The following TXK variants were observed in gnomAD, a reference collection of about 807,000 sequenced individuals.
TXK encodes the protein TXK tyrosine kinase.
Under a neutral mutation model 81.0 loss-of-function variants are expected in TXK, and 60 were observed. The observed-to-expected ratio is 0.74, with a 90% CI of 0.60 to 0.92. The LOEUF is 0.92. TXK is among the 40% of genes least tolerant of loss of function. The pLI is 0.00. For synonymous variants in TXK, 203 were observed against 210.7 expected (o/e 0.96, Z 0.32); for missense variants, 581 against 638.3 (o/e 0.91, Z 0.97).
chr4:48,111,237 T>C (rs1718624809), intron 4 of TXK, among the ~76,000 whole-genome samples: 1 of 152,228 alleles, frequency 6.6e-6, no homozygotes, highest in Non-Finnish European at 1.5e-5. Flanking sequence ...CTCCAAGACA[T>C]ATTATTGAGA....
Position 48,114,416 on chromosome 4 carries a change from C to T in TXK, c.17-14G>A. On this transcript the variant is annotated splice_polypyrimidine_tract_variant and intron_variant, in intron 1 of 14. Coordinates refer to ENST00000264316, the MANE Select transcript of TXK (RefSeq NM_003328.3). ...GGATGGTGTTATCTGAAAAGCAGAT[C>T]ATTTCTCAGCTGTTAGAAAGCCATG... 2 of 1,613,998 alleles carry T rather than the reference C, an allele frequency of 1.2e-6. No homozygotes were observed. The highest frequency in any genetic ancestry group is 2.7e-5 in the African/African-American group (2 of 75,048).
chr4:48,074,099 C>T, intron 12 of TXK, 46 bp from the exon 13 acceptor site: 1 of 1,397,838 alleles, frequency 7.2e-7, no homozygotes, highest in South Asian at 1.2e-5. Context: ...TACCTCCAAG[C>T]TCTATTTACT....
chr4:48,121,803 T>C lies in TXK; in HGVS notation c.17-7401A>G, dbSNP rs946445579. On this transcript the variant is annotated intron_variant, in intron 1 of 14. Coordinates refer to ENST00000264316, the MANE Select transcript of TXK (RefSeq NM_003328.3). ...TGGAACCTGTGGATACAGAAGGCTG[T>C]TTATTCAAGAGTTTCCATTTGGGAT... 2.6e-5 allele frequency among the ~76,000 whole-genome samples: 4 copies of C among 152,164 alleles called. No homozygotes were observed. In the East Asian group the frequency reaches 7.7e-4, roughly 29 times the overall value.
At chr4:48,076,381 A>G (rs1717068436) in intron 12 of TXK, 21 bp downstream of exon 12, 2 of 1,522,894 alleles carry the variant, frequency 1.3e-6, no homozygotes, top group East Asian at 4.6e-5. Context: ...CAAAATACAT[A>G]TATATATACA....
At chr4:48,121,819 C>A (rs1718970644) in intron 1 of TXK, among the ~76,000 whole-genome samples, 2 of 151,922 alleles carry the variant, frequency 1.3e-5, no homozygotes, top group Admixed American at 1.3e-4. Flanking sequence ...CAAGAGTTTC[C>A]ATTTGGGATG....
At chr4:48,105,398 T>G (rs1718419501) in intron 5 of TXK, among the ~76,000 whole-genome samples, 1 of 152,214 alleles carries the variant, frequency 6.6e-6, no homozygotes, top group African/African-American at 2.4e-5. Flanking sequence ...CTTACTTTTC[T>G]GACACTCCTA....
chr4:48,077,637 C>G (rs572707598), intron 11 of TXK, among the ~76,000 whole-genome samples: 4 of 152,012 alleles, frequency 2.6e-5, no homozygotes, highest in Non-Finnish European at 2.9e-5. Context: ...GGAAAGTGAG[C>G]TAGGTGGAGT....
At chr4:48,113,110 G>T (rs1206008323) in intron 3 of TXK, 97 bp downstream of exon 3, 2 of 745,980 alleles carry the variant, frequency 2.7e-6, no homozygotes, top group Admixed American at 2.3e-5. Flanking sequence ...TGCCAAGCAG[G>T]ATACTAGATT....
chr4:48,085,950 G>C (rs140389320), intron 10 of TXK, among the ~76,000 whole-genome samples: 1 of 152,286 alleles, frequency 6.6e-6, no homozygotes, highest in East Asian at 1.9e-4. Context: ...AAGAGGGCAG[G>C]ATGCAAAAGG....
chr4:48,090,280 T>A lies in TXK; in HGVS notation c.710-456A>T, dbSNP rs142676969. ...TTTCGCTATTATAAAATATGCCATATGTCCTTGAACATACATTTGTCTGTA... is the reference window on the plus strand; with the variant it reads ...TTTCGCTATTATAAAATATGCCATAAGTCCTTGAACATACATTTGTCTGTA... On this transcript the variant is annotated intron_variant, in intron 8 of 14. Transcript: ENST00000264316. Among the ~76,000 whole-genome samples, 205 of 152,366 alleles carry A rather than the reference T, an allele frequency of 1.3e-3. 1 individual carries two copies. The highest frequency in any genetic ancestry group is 4.6e-3 in the African/African-American group (193 of 41,588).
At chr4:48,089,079 T>A (rs1717647749) in intron 9 of TXK, among the ~76,000 whole-genome samples, 1 of 151,972 alleles carries the variant, frequency 6.6e-6, no homozygotes, top group Non-Finnish European at 1.5e-5. Flanking sequence ...TTTCAGCAGC[T>A]CTTTTTAGTA....
chr4:48,084,615 T>C (rs1717438982), intron 10 of TXK, among the ~76,000 whole-genome samples: 1 of 152,210 alleles, frequency 6.6e-6, no homozygotes, highest in Admixed American at 6.5e-5. Context: ...TGCAGATATC[T>C]ACAGGAAGCA....
intron 11 of TXK, among the ~76,000 whole-genome samples, 187 bp downstream of exon 11, chr4:48,079,725 G>A (rs1478297622): frequency 1.3e-5 from 2 of 152,112 alleles, no homozygotes; most frequent in Non-Finnish European, 2.9e-5. Flanking sequence ...AACCCATTCG[G>A]CCTTTACAGC....
In TXK at chr4:48,095,174, A is replaced by G. The variant is rs1440930440; in HGVS notation, c.550T>C (p.Tyr184His). 2.5e-6 allele frequency: 4 copies of G among 1,613,640 alleles called. No homozygotes were observed. The highest frequency in any genetic ancestry group is 3.4e-6 in the Non-Finnish European group (4 of 1,179,672). Residue 184 changes from tyrosine to histidine, a missense_variant, in exon 7 of 15, where the codon TAC becomes CAC. Transcript: ENST00000264316. ...IVRDSRHLGSYTISVFMGARR... is the reference protein window; with the variant it reads ...IVRDSRHLGSHTISVFMGARR... Reference sequence around the variant, plus strand: ...GCTCCCATAAATACGGAAATTGTGTAGGATCCTAAATGTCTTGAATCTCTG... The same window carrying G: ...GCTCCCATAAATACGGAAATTGTGTGGGATCCTAAATGTCTTGAATCTCTG...
intron 13 of TXK, among the ~76,000 whole-genome samples, chr4:48,073,598 C>T (rs970332540): frequency 6.6e-6 from 1 of 152,174 alleles, no homozygotes; most frequent in Non-Finnish European, 1.5e-5. Context: ...TTATTAATTA[C>T]ACTCTAAACA....
At chr4:48,080,357 A>G (rs2352591) in intron 10 of TXK, among the ~76,000 whole-genome samples, 145,454 of 152,262 alleles carry the variant, frequency 0.96, 69,831 homozygotes, top group East Asian at 1. Context: ...GACAGAATAT[A>G]CACTATATTC....
chr4:48,071,938 C>A (rs1357692268), intron 13 of TXK, among the ~76,000 whole-genome samples: 1 of 149,248 alleles, frequency 6.7e-6, no homozygotes, highest in Non-Finnish European at 1.5e-5. Context: ...GGAGAAAATG[C>A]CAGTAGCATT....
At chr4:48,128,560 CCTTT>C (rs1719155513) in intron 1 of TXK, among the ~76,000 whole-genome samples, 2 of 119,506 alleles carry the variant, frequency 1.7e-5, no homozygotes, top group African/African-American at 6.3e-5. Context: ...ACCACTACAT[CCTTT>C]TTTTTTTTTT....
At chr4:48,077,835 A>G (rs2109404869) in intron 11 of TXK, among the ~76,000 whole-genome samples, 1 of 152,258 alleles carries the variant, frequency 6.6e-6, no homozygotes, top group South Asian at 2.1e-4. Context: ...AACCCATATG[A>G]GGAAGGTGCT....
Sources: gnomAD v4.1 joint callset for allele counts (sites outside exome capture counted in the v4.1 genomes callset) on GRCh38, gnomAD v4.1.1 for gene constraint, MANE v1.5 for transcripts, NCBI Gene and HGNC (gene_info 2026-07-23, HGNC 2026-07-21) for gene names.